Variants in LAMA2 observed in about 807,000 individuals in gnomAD.
LAMA2 encodes laminin subunit alpha 2.
A neutral mutation model predicts 364.8 loss-of-function variants in LAMA2; 269 were observed. That is an observed-to-expected ratio of 0.74 (90% CI 0.67 to 0.82). The LOEUF (loss-of-function observed/expected upper bound fraction) is 0.82. LAMA2 is among the 40% of genes least tolerant of loss of function. The pLI is 0.00. For missense variants in LAMA2, 3,807 were observed against 3,873.2 expected, an observed-to-expected ratio of 0.98 and a Z score of 0.45; for synonymous variants, 1,379 against 1,370.6, an observed-to-expected ratio of 1.01 and a Z score of -0.14.
chr6:129,013,635 T>G (rs1189978376), intron 1 of LAMA2, among the ~76,000 whole-genome samples: 1 of 152,158 alleles, frequency 6.6e-6, no homozygotes, highest in African/African-American at 2.4e-5. Flanking sequence ...CCAGAACATG[T>G]AGCACTTTGT....
intron 1 of LAMA2, among the ~76,000 whole-genome samples, chr6:129,013,339 A>C (rs1784881039): frequency 6.6e-6 from 1 of 152,104 alleles, no homozygotes; most frequent in African/African-American, 2.4e-5. Flanking sequence ...CGGGAGGCTG[A>C]GGCAGGAGAA....
At chr6:129,051,705 G>GAT (rs1379718611) in intron 2 of LAMA2, among the ~76,000 whole-genome samples, 11 of 98,110 alleles carry the variant, frequency 1.1e-4, no homozygotes, top group Non-Finnish European at 1.6e-4. Context: ...TCGATCTATA[G>GAT]ATATCTATAT....
At chr6:128,934,222 G>A (rs1562846178) in intron 1 of LAMA2, among the ~76,000 whole-genome samples, 2 of 152,054 alleles carry the variant, frequency 1.3e-5, no homozygotes, top group Admixed American at 6.6e-5. Context: ...AGTTTTAATG[G>A]CCTAGTCAAA....
chr6:129,303,039 T>A (rs558851524), intron 22 of LAMA2, among the ~76,000 whole-genome samples: 1 of 152,248 alleles, frequency 6.6e-6, no homozygotes, highest in African/African-American at 2.4e-5. Context: ...GATAGATCAA[T>A]TTGGGAAGAA....
At chr6:129,050,549 G>A (rs757479103) in intron 2 of LAMA2, among the ~76,000 whole-genome samples, 2 of 152,100 alleles carry the variant, frequency 1.3e-5, no homozygotes, top group African/African-American at 2.4e-5. Context: ...ACAAAGGCTT[G>A]GTGTAAGTAA....
At chr6:129,006,198 C>T (rs1040169431) in intron 1 of LAMA2, among the ~76,000 whole-genome samples, 2 of 152,004 alleles carry the variant, frequency 1.3e-5, no homozygotes, top group Non-Finnish European at 2.9e-5. Context: ...TAAGAAATCT[C>T]CAAAATGTGA....
At chr6:129,031,404 G>A (rs866388787) in intron 1 of LAMA2, among the ~76,000 whole-genome samples, 2 of 151,816 alleles carry the variant, frequency 1.3e-5, no homozygotes, top group Middle Eastern at 3.4e-3. Context: ...GGGGGTGGGG[G>A]GAATAGACTG....
intron 10 of LAMA2, among the ~76,000 whole-genome samples, chr6:129,180,066 CACTT>C (rs1194303443): frequency 6.6e-6 from 1 of 151,466 alleles, no homozygotes; most frequent in Admixed American, 6.6e-5. Context: ...ACTGAAAAGA[CACTT>C]AGTGTAGTGT....
intron 28 of LAMA2, among the ~76,000 whole-genome samples, chr6:129,321,059 G>T (rs1216278867): frequency 6.6e-6 from 1 of 152,122 alleles, no homozygotes; most frequent in Non-Finnish European, 1.5e-5. Flanking sequence ...TAAATAGCAG[G>T]CTGTTCCCTT....
chr6:129,201,237 C>G (rs886467215), intron 12 of LAMA2, among the ~76,000 whole-genome samples: 9 of 152,102 alleles, frequency 5.9e-5, no homozygotes, highest in Non-Finnish European at 1.2e-4. Flanking sequence ...GAGAAAAAAG[C>G]CAAACACAGC....
chr6:129,057,423 T>C (rs1362201269), intron 2 of LAMA2, among the ~76,000 whole-genome samples: 1 of 152,236 alleles, frequency 6.6e-6, no homozygotes, highest in East Asian at 1.9e-4. Context: ...AAACTAATGA[T>C]GGTTTTTAAA....
At chr6:128,884,926 AATT>A (rs1776061325) in intron 1 of LAMA2, among the ~76,000 whole-genome samples, 1 of 152,168 alleles carries the variant, frequency 6.6e-6, no homozygotes, top group South Asian at 2.1e-4. Context: ...TGTTGCTAAG[AATT>A]ATCCTGAACA....
chr6:129,210,164 T>C (rs1783001766), intron 12 of LAMA2, among the ~76,000 whole-genome samples: 1 of 152,118 alleles, frequency 6.6e-6, no homozygotes. Flanking sequence ...TTTAAATTAC[T>C]GATGATTAAT....
intron 1 of LAMA2, among the ~76,000 whole-genome samples, chr6:128,953,267 C>T (rs775557142): frequency 6.6e-6 from 1 of 151,954 alleles, no homozygotes; most frequent in South Asian, 2.1e-4. Context: ...TGTTTCCTGG[C>T]GTTACTTTAA....
At chr6:128,936,868 C>G (rs962226548) in intron 1 of LAMA2, among the ~76,000 whole-genome samples, 3 of 151,960 alleles carry the variant, frequency 2.0e-5, no homozygotes, top group Non-Finnish European at 4.4e-5. Context: ...TTTGAGCGAC[C>G]CTTGATTATT....
At chr6:129,232,031 C>A (rs529057176) in intron 12 of LAMA2, among the ~76,000 whole-genome samples, 34 of 152,148 alleles carry the variant, frequency 2.2e-4, no homozygotes, top group African/African-American at 7.7e-4. Context: ...CACTTATGTC[C>A]TTTTGATTGA....
At chr6:129,267,030 AAAACAAACAC>A in intron 15 of LAMA2, 66 bp from the exon 16 acceptor site, 1 of 934,036 alleles carries the variant, frequency 1.1e-6, no homozygotes, top group Non-Finnish European at 1.8e-6. Context: ...CTGTTATCAG[AAAACAAACAC>A]AAACAAACAA....
At chr6:128,962,499 A>T (rs1781599302) in intron 1 of LAMA2, among the ~76,000 whole-genome samples, 7 of 152,038 alleles carry the variant, frequency 4.6e-5, no homozygotes, top group Admixed American at 4.6e-4. Flanking sequence ...TGTGAGGAGG[A>T]TACTTATGAG....
chr6:129,144,024 TTGA>T lies in LAMA2; in HGVS notation c.769_771del (p.Met257del). 2 of 1,612,754 alleles carry T rather than the reference TTGA, an allele frequency of 1.2e-6. No individual in the cohort carries two copies. The highest frequency in any genetic ancestry group is 1.7e-6 in the Non-Finnish European group (2 of 1,179,100). ...GAGGATCCGCACACTGAATGCTGAC[TTGA>T]TGATGTTTGCTCACAAAGACCCAAG... On this transcript the variant is annotated inframe_deletion, in exon 5 of 65. Coordinates refer to ENST00000421865, the MANE Select transcript of LAMA2 (RefSeq NM_000426.4).
Sources: gnomAD v4.1 joint callset for allele counts (sites outside exome capture counted in the v4.1 genomes callset) on GRCh38, gnomAD v4.1.1 for gene constraint, MANE v1.5 for transcripts, NCBI Gene and HGNC (gene_info 2026-07-23, HGNC 2026-07-21) for gene names.